Variants in QKI observed in about 807,000 individuals in gnomAD.
QKI encodes QKI, KH domain containing RNA binding.
Under a neutral mutation model 39.0 loss-of-function variants are expected in QKI, and 10 were observed. That is an observed-to-expected ratio of 0.26 (90% CI 0.16 to 0.43). The LOEUF is 0.43. Among genes scored for constraint, QKI ranks in the 20% least tolerant of loss-of-function variants. QKI has a pLI of 1.00. For missense variants in QKI, 218 were observed against 428.0 expected, an observed-to-expected ratio of 0.51 and a Z score of 4.33; for synonymous variants, 204 against 155.4, an observed-to-expected ratio of 1.31 and a Z score of -2.33.
chr6:163,436,066 C>A lies in QKI; in HGVS notation c.143-19213C>A, dbSNP rs114149465. On this transcript the variant is annotated intron_variant, in intron 1 of 7. Transcript: ENST00000361752. ...TAGTGTGTATTTTGAGATGCCTGTT[C>A]TGTCCCGCAGTATACATGCTTGTTA... is the stretch of plus-strand genomic sequence containing the variant. 2.9e-3 allele frequency among the ~76,000 whole-genome samples: 439 copies of A among 152,276 alleles called. 2 individuals carry two copies. The highest frequency in any genetic ancestry group is 9.8e-3 in the African/African-American group (407 of 41,556).
intron 1 of QKI, among the ~76,000 whole-genome samples, chr6:163,446,320 T>A (rs1192891086): frequency 6.6e-6 from 1 of 152,218 alleles, no homozygotes; most frequent in African/African-American, 2.4e-5. Context: ...TAAGAGTACA[T>A]TTTCTTCTAT....
At position 163,455,260 on chromosome 6, in the gene QKI, A is replaced by C; in HGVS notation, c.143-19A>C. On this transcript the variant is annotated intron_variant, in intron 1 of 7. Transcript: ENST00000361752. ...ATATTTTTTTTGTCTAACACATTTA[A>C]AATTTTTACTTTTAACAGAAATTAG... 6.3e-7 allele frequency: 1 copy of C among 1,594,942 alleles called. No homozygotes were observed. Among genetic ancestry groups the C allele is most frequent in the African/African-American group, 1.3e-5 (1 of 74,084 alleles).
intron 3 of QKI, among the ~76,000 whole-genome samples, chr6:163,513,324 T>C (rs778964742): frequency 5.9e-5 from 9 of 152,128 alleles, no homozygotes; most frequent in Non-Finnish European, 1.3e-4. Flanking sequence ...AAAAAACAAG[T>C]AGAACTAAAC....
intron 1 of QKI, among the ~76,000 whole-genome samples, chr6:163,435,747 A>G (rs898685952): frequency 1.3e-5 from 2 of 150,594 alleles, no homozygotes; most frequent in Non-Finnish European, 3.0e-5. Flanking sequence ...TTTCTGCTGT[A>G]TATATGAGGA....
chr6:163,445,853 A>G (rs138204581), intron 1 of QKI, among the ~76,000 whole-genome samples: 60 of 152,302 alleles, frequency 3.9e-4, no homozygotes, highest in African/African-American at 1.4e-3. Context: ...TGACCTCCTC[A>G]TCCGTCCACC....
At chr6:163,435,029 A>AT (rs1236864186) in intron 1 of QKI, among the ~76,000 whole-genome samples, 27 of 152,298 alleles carry the variant, frequency 1.8e-4, no homozygotes, top group Middle Eastern at 3.4e-3. Context: ...CTTAAAAATG[A>AT]TTTTTTTAAA....
intron 3 of QKI, among the ~76,000 whole-genome samples, chr6:163,505,746 G>A (rs2128233331): frequency 6.6e-6 from 1 of 152,206 alleles, no homozygotes; most frequent in South Asian, 2.1e-4. Flanking sequence ...TTTTTCAGAT[G>A]AGACTCAGAC....
At chr6:163,514,482 G>T (rs746794544) in intron 3 of QKI, among the ~76,000 whole-genome samples, 4 of 152,050 alleles carry the variant, frequency 2.6e-5, no homozygotes, top group Non-Finnish European at 5.9e-5. Context: ...TCTTAAGATA[G>T]TAAAATTGCC....
At chr6:163,426,996 G>A (rs1788456382) in intron 1 of QKI, among the ~76,000 whole-genome samples, 1 of 152,074 alleles carries the variant, frequency 6.6e-6, no homozygotes, top group Non-Finnish European at 1.5e-5. Flanking sequence ...ACTGCTGCTT[G>A]CTTTCTGGGG....
At chr6:163,567,782 T>A in intron 7 of QKI, 1 of 985,204 alleles carries the variant, frequency 1.0e-6, no homozygotes, top group Non-Finnish European at 1.2e-6. Flanking sequence ...CAAATTAAAT[T>A]GATCAAAGTC....
chr6:163,522,482 G>C lies in QKI; in HGVS notation c.403-12500G>C, dbSNP rs375138884. 3.9e-5 allele frequency among the ~76,000 whole-genome samples: 6 copies of C among 152,138 alleles called. No individual in the cohort carries two copies. In the South Asian group the frequency reaches 1.2e-3, roughly 31 times the overall value. On this transcript the variant is annotated intron_variant, in intron 3 of 7. Coordinates refer to ENST00000361752, the MANE Select transcript of QKI (RefSeq NM_006775.3). ...TTTTCTACCCTTGTCTGGTTTTTAG[G>C]GGTTATGGAGTGTGGGGAGAGGCCT... is the stretch of plus-strand genomic sequence containing the variant.
In QKI at chr6:163,578,191, A is replaced by G. The variant is rs1031331571; in HGVS notation, c.*7481A>G. 6.6e-6 allele frequency: 1 copy of G among 152,196 alleles called. No homozygotes were observed. The highest frequency in any genetic ancestry group is 6.5e-5 in the Admixed American group (1 of 15,280). 9.4% of individuals were successfully genotyped at this position (152,196 alleles called of 1,614,324 possible). On this transcript the variant is annotated 3_prime_UTR_variant, in exon 8 of 8. Coordinates refer to ENST00000361752, the MANE Select transcript of QKI (RefSeq NM_006775.3). ...ACTGTAGTCTGTTTTAAAGTATGCT[A>G]TACTATGTTCATTGGTTACTTAACT...
At chr6:163,480,681 G>A (rs762607522) in intron 3 of QKI, among the ~76,000 whole-genome samples, 1 of 152,222 alleles carries the variant, frequency 6.6e-6, no homozygotes, top group Non-Finnish European at 1.5e-5. Flanking sequence ...TTAAAAAAAT[G>A]TGCATATTTT....
intron 3 of QKI, among the ~76,000 whole-genome samples, chr6:163,524,830 T>C (rs544060144): frequency 2.6e-5 from 4 of 152,308 alleles, no homozygotes; most frequent in Non-Finnish European, 5.9e-5. Flanking sequence ...ATTTACATTA[T>C]GGTAATATTA....
At chr6:163,434,211 C>T (rs1186233589) in intron 1 of QKI, among the ~76,000 whole-genome samples, 1 of 152,124 alleles carries the variant, frequency 6.6e-6, no homozygotes, top group Admixed American at 6.5e-5. Flanking sequence ...ACTGCCCTAA[C>T]AGAGGCATGC....
intron 1 of QKI, among the ~76,000 whole-genome samples, chr6:163,448,098 G>A (rs1443910812): frequency 1.3e-5 from 2 of 152,122 alleles, no homozygotes; most frequent in Non-Finnish European, 2.9e-5. Context: ...ATACAGAACT[G>A]CTGCTGAGAA....
chr6:163,505,513 G>C (rs1366851790), intron 3 of QKI, among the ~76,000 whole-genome samples: 2 of 152,186 alleles, frequency 1.3e-5, no homozygotes, highest in African/African-American at 4.8e-5. Flanking sequence ...GCAACAACGT[G>C]TCCTGGATGT....
At position 163,505,678 on chromosome 6, in the gene QKI, C is replaced by T. The variant is rs184174747; in HGVS notation, c.402+26782C>T. Among the ~76,000 whole-genome samples, 1,135 of 152,024 alleles carry T rather than the reference C, an allele frequency of 7.5e-3. 3 individuals carry two copies. Among genetic ancestry groups the T allele is most frequent in the South Asian group, 0.013 (64 of 4,832 alleles). On this transcript the variant is annotated intron_variant, in intron 3 of 7. Transcript: ENST00000361752. ...CCCAATGCCTGTACACCCATTCTAT[C>T]TTGGAAATAACTAACTTGTTTTTGA...
At chr6:163,464,729 C>T (rs1005204375) in intron 2 of QKI, among the ~76,000 whole-genome samples, 1 of 152,278 alleles carries the variant, frequency 6.6e-6, no homozygotes, top group African/African-American at 2.4e-5. Context: ...CAAGAGCAGA[C>T]AGCTTCACGG....
Sources: allele counts gnomAD v4.1 joint callset (sites outside exome capture counted in the v4.1 genomes callset), GRCh38; gene constraint gnomAD v4.1.1; transcripts MANE v1.5; gene names NCBI Gene and HGNC (gene_info 2026-07-23, HGNC 2026-07-21).